ROBO1: variants seen among roughly 807,000 people sequenced by gnomAD.
The protein encoded by ROBO1 is roundabout guidance receptor 1.
In ROBO1, 149 loss-of-function variants were observed where a neutral mutation model predicts 195.9. The ratio of observed to expected loss-of-function variants is 0.76; its 90% CI spans 0.67 to 0.87. The LOEUF (loss-of-function observed/expected upper bound fraction) is 0.87, where lower values mean the gene tolerates loss of function less well. Among genes scored for constraint, ROBO1 ranks in the 40% least tolerant of loss-of-function variants. The pLI is 0.00. For synonymous variants in ROBO1, 816 were observed against 733.2 expected (o/e 1.11, Z -1.82); for missense variants, 1,933 against 2,068.3 (o/e 0.93, Z 1.27).
intron 1 of ROBO1, among the ~76,000 whole-genome samples, chr3:79,681,119 A>G (rs1946933751): frequency 6.6e-6 from 1 of 152,062 alleles, no homozygotes; most frequent in African/African-American, 2.4e-5. Context: ...AGGAGCTGAT[A>G]TTTAAGTTTA....
At chr3:78,720,471 T>C (rs1046907768) in intron 5 of ROBO1, among the ~76,000 whole-genome samples, 10 of 152,104 alleles carry the variant, frequency 6.6e-5, no homozygotes, top group African/African-American at 1.9e-4. Context: ...TGTGGAGAAA[T>C]AGGAACACTT....
intron 2 of ROBO1, among the ~76,000 whole-genome samples, chr3:79,507,316 C>T (rs561555571): frequency 3.3e-5 from 5 of 152,276 alleles, no homozygotes; most frequent in Admixed American, 2.0e-4. Context: ...TGTGAGTCCC[C>T]GGTATACACA....
intron 2 of ROBO1, among the ~76,000 whole-genome samples, chr3:79,290,194 C>G (rs79298854): frequency 6.6e-6 from 1 of 151,920 alleles, no homozygotes; most frequent in South Asian, 2.1e-4. Flanking sequence ...CCACCATGCC[C>G]AGCTAATTTT....
rs1358801461 is a variant in ROBO1 at position 79,109,449 on chromosome 3, TTC to T, written c.172+16005_172+16006del. On this transcript the variant is annotated intron_variant, in intron 3 of 30. Coordinates refer to ENST00000464233, the MANE Select transcript of ROBO1 (RefSeq NM_002941.4). ...CATAAATGAAGCATTATTAAATTTT[TTC>T]TGTTTGTTTTAAATTCTCTTTAAAA... 5.9e-5 allele frequency among the ~76,000 whole-genome samples: 9 copies of T among 152,142 alleles called. No individual in the cohort carries two copies. In the South Asian group the frequency reaches 6.2e-4, roughly 10 times the overall value.
intron 4 of ROBO1, among the ~76,000 whole-genome samples, chr3:78,897,249 A>G (rs2037292796): frequency 6.6e-6 from 1 of 152,152 alleles, no homozygotes; most frequent in Admixed American, 6.5e-5. Context: ...CCTCCACTCA[A>G]TTAGTTCACA....
At chr3:79,135,300 A>C (rs1057443969) in intron 2 of ROBO1, among the ~76,000 whole-genome samples, 4 of 152,182 alleles carry the variant, frequency 2.6e-5, no homozygotes, top group Admixed American at 1.3e-4. Flanking sequence ...ATACACTTTG[A>C]TAATTGATAG....
At chr3:79,454,735 C>G in intron 2 of ROBO1, among the ~76,000 whole-genome samples, 1 of 151,902 alleles carries the variant, frequency 6.6e-6, no homozygotes, top group East Asian at 1.9e-4. Context: ...GTTTCAAATT[C>G]AGATTATTTT....
intron 1 of ROBO1, among the ~76,000 whole-genome samples, chr3:79,669,575 C>T (rs1006447169): frequency 6.6e-6 from 1 of 151,848 alleles, no homozygotes; most frequent in African/African-American, 2.4e-5. Context: ...ACCACATAGC[C>T]TAGGGATGTA....
At chr3:79,530,172 T>A (rs2107607980) in intron 2 of ROBO1, among the ~76,000 whole-genome samples, 1 of 152,282 alleles carries the variant, frequency 6.6e-6, no homozygotes, top group African/African-American at 2.4e-5. Context: ...AATCACATAC[T>A]TTTTCTAAAA....
chr3:79,208,124 G>T (rs2081905429), intron 2 of ROBO1, among the ~76,000 whole-genome samples: 1 of 152,236 alleles, frequency 6.6e-6, no homozygotes, highest in Non-Finnish European at 1.5e-5. Flanking sequence ...GGTTATCCAT[G>T]ATATTTAGAA....
chr3:78,894,035 TC>T (rs1416050594), intron 4 of ROBO1, among the ~76,000 whole-genome samples: 1 of 152,212 alleles, frequency 6.6e-6, no homozygotes, highest in Non-Finnish European at 1.5e-5. Context: ...AAATGTTTCA[TC>T]TTTTCAACGC....
chr3:78,721,286 G>A (rs2082039584), intron 5 of ROBO1, among the ~76,000 whole-genome samples: 1 of 152,042 alleles, frequency 6.6e-6, no homozygotes, highest in Non-Finnish European at 1.5e-5. Context: ...AACCTTTCAT[G>A]CGCTGATTTT....
At chr3:79,445,268 A>G (rs4642084) in intron 2 of ROBO1, among the ~76,000 whole-genome samples, 4,803 of 151,884 alleles carry the variant, frequency 0.032, 172 homozygotes, top group African/African-American at 0.089. Flanking sequence ...CTGAATATAT[A>G]CATATATGTA....
At chr3:79,560,604 G>C (rs967850888) in intron 2 of ROBO1, among the ~76,000 whole-genome samples, 1 of 143,144 alleles carries the variant, frequency 7.0e-6, no homozygotes, top group African/African-American at 2.7e-5. Flanking sequence ...AAGTACACCA[G>C]TTAGGTAGTG....
chr3:78,816,342 TA>T (rs2084902874), intron 4 of ROBO1, among the ~76,000 whole-genome samples: 1 of 20,876 alleles, frequency 4.8e-5, no homozygotes, highest in Non-Finnish European at 1.7e-4. Flanking sequence ...TATTACTGCT[TA>T]TTGACAATGT....
At chr3:78,828,372 G>A (rs1222480915) in intron 4 of ROBO1, among the ~76,000 whole-genome samples, 5 of 152,180 alleles carry the variant, frequency 3.3e-5, no homozygotes, top group Non-Finnish European at 7.3e-5. Flanking sequence ...CAGTGGAACA[G>A]ATTGCACTGC....
intron 3 of ROBO1, among the ~76,000 whole-genome samples, chr3:79,119,127 A>G (rs1414468128): frequency 2.0e-5 from 3 of 152,188 alleles, no homozygotes; most frequent in Admixed American, 1.3e-4. Context: ...AGTGCTAATG[A>G]GAAACTTTAG....
At chr3:78,686,542 G>A (rs1245198262) in intron 9 of ROBO1, among the ~76,000 whole-genome samples, 1 of 126,968 alleles carries the variant, frequency 7.9e-6, no homozygotes, top group Non-Finnish European at 1.7e-5. Context: ...GTGACAGAGC[G>A]AGACTTTGTC....
At chr3:79,609,291 A>T (rs1220657303) in intron 1 of ROBO1, among the ~76,000 whole-genome samples, 1 of 151,956 alleles carries the variant, frequency 6.6e-6, no homozygotes, top group African/African-American at 2.4e-5. Context: ...AAACTGAAAA[A>T]AAAATTAAAG....
Sources: allele counts gnomAD v4.1 joint callset (sites outside exome capture counted in the v4.1 genomes callset), GRCh38; gene constraint gnomAD v4.1.1; transcripts MANE v1.5; gene names NCBI Gene and HGNC (gene_info 2026-07-23, HGNC 2026-07-21).